The following SH3BP2 variants were observed in gnomAD, a reference collection of about 807,000 sequenced individuals.
The protein encoded by SH3BP2 is SH3 domain-binding protein 2.
A neutral mutation model predicts 56.2 loss-of-function variants in SH3BP2; 38 were observed. The ratio of observed to expected loss-of-function variants is 0.68; its 90% CI spans 0.52 to 0.89. The LOEUF is 0.89. Among genes scored for constraint, SH3BP2 ranks in the 40% least tolerant of loss-of-function variants. The pLI, the probability that SH3BP2 is intolerant of heterozygous loss-of-function variation, is 0.00. For synonymous variants in SH3BP2, 346 were observed against 316.7 expected, an observed-to-expected ratio of 1.09 and a Z score of -0.98; for missense variants, 748 against 762.6, an observed-to-expected ratio of 0.98 and a Z score of 0.23.
intron 1 of SH3BP2, among the ~76,000 whole-genome samples, chr4:2,814,558 G>A (rs1723909791): frequency 6.6e-6 from 1 of 152,164 alleles, no homozygotes; most frequent in Non-Finnish European, 1.5e-5. Flanking sequence ...AAATCTCCAC[G>A]TGTGCACACA....
chr4:2,802,404 A>ATGTGTGTG (rs1175501543), intron 1 of SH3BP2, among the ~76,000 whole-genome samples: 13,841 of 135,736 alleles, frequency 0.1, 790 homozygotes, highest in East Asian at 0.16. Context: ...AAAAAAATAT[A>ATGTGTGTG]TGTGTGTGTG....
intron 1 of SH3BP2, chr4:2,809,682 T>TGCA (rs2108710321): frequency 1.8e-6 from 1 of 554,488 alleles, no homozygotes; most frequent in South Asian, 7.8e-5. Context: ...CCGTGGTGGC[T>TGCA]GCAGACACCA....
chr4:2,838,445 A>G lies in SH3BP2; in HGVS notation c.*4611A>G, dbSNP rs1316506036. The G allele has an allele frequency of 3.3e-5, 5 of 152,306 alleles. No individual in the cohort carries two copies. The highest frequency in any genetic ancestry group is 1.2e-4 in the African/African-American group (5 of 41,546). 9.4% of individuals were successfully genotyped at this position (152,306 alleles called of 1,614,324 possible). On this transcript the variant is annotated 3_prime_UTR_variant, in exon 13 of 13. Transcript: ENST00000503393. Reference sequence around the variant, plus strand: ...GCTCGTTATTATGTCTGTGAGATTTATTCATGTTGCTGTGCGTAGTATAGT... The same window carrying G: ...GCTCGTTATTATGTCTGTGAGATTTGTTCATGTTGCTGTGCGTAGTATAGT...
chr4:2,821,169 C>T (rs369604436), intron 2 of SH3BP2, among the ~76,000 whole-genome samples: 6 of 152,320 alleles, frequency 3.9e-5, no homozygotes, highest in African/African-American at 1.4e-4. Flanking sequence ...AGGCTCTGGC[C>T]CCCAGGACAG....
At chr4:2,812,855 C>CAT (rs34304762) in intron 1 of SH3BP2, among the ~76,000 whole-genome samples, 121,385 of 151,908 alleles carry the variant, frequency 0.8, 49,388 homozygotes, top group African/African-American at 0.95. Flanking sequence ...TAAGTACACA[C>CAT]GTTGTGTATG....
chr4:2,819,695 T>G (rs1039894850), intron 1 of SH3BP2, among the ~76,000 whole-genome samples: 8 of 150,206 alleles, frequency 5.3e-5, no homozygotes, highest in Non-Finnish European at 1.0e-4. Flanking sequence ...ATGCTGGATT[T>G]AAGTGGGCAA....
At chr4:2,797,979 G>A (rs1266097645) in intron 1 of SH3BP2, among the ~76,000 whole-genome samples, 1 of 152,232 alleles carries the variant, frequency 6.6e-6, no homozygotes, top group East Asian at 1.9e-4. Context: ...CCAGTTGGTG[G>A]AGTTTCCAAT....
intron 1 of SH3BP2, among the ~76,000 whole-genome samples, chr4:2,819,861 G>T (rs975522011): frequency 6.6e-6 from 1 of 151,938 alleles, no homozygotes; most frequent in Non-Finnish European, 1.5e-5. Flanking sequence ...CATGAGTAAG[G>T]GGGGCTGGAG....
At chr4:2,795,676 C>G (rs1240163708) in intron 1 of SH3BP2, among the ~76,000 whole-genome samples, 2 of 152,182 alleles carry the variant, frequency 1.3e-5, no homozygotes, top group South Asian at 2.1e-4. Context: ...GAGGAGGGAT[C>G]TGAGCCGGGC....
Position 2,825,220 on chromosome 4 carries a change from C to T in SH3BP2, c.428+24C>T, listed in dbSNP as rs369642567. ...AGGTGAGCCCGGGCCCAGGGCATAC[C>T]GGGCAGTGAGGGTCCCTGGGGCGCC... On this transcript the variant is annotated intron_variant, in intron 5 of 12. Transcript: ENST00000503393. 1,130 of 1,558,684 alleles carry T rather than the reference C, an allele frequency of 7.2e-4. 3 individuals carry two copies. The African/African-American group carries it at 0.012, about 17-fold the overall frequency.
At chr4:2,827,576 G>A (rs1256109827) in intron 6 of SH3BP2, 30 bp from the exon 7 acceptor site, 2 of 1,570,558 alleles carry the variant, frequency 1.3e-6, no homozygotes, top group Non-Finnish European at 1.7e-6. Flanking sequence ...GGGCCGGTTT[G>A]GCTCTCACCA....
Position 2,831,665 on chromosome 4 carries a change from G to A in SH3BP2, c.1336G>A (p.Glu446Lys), listed in dbSNP as rs1177351370. 11 of 1,588,662 alleles carry A rather than the reference G, an allele frequency of 6.9e-6. No individual in the cohort carries two copies. Among genetic ancestry groups the A allele is most frequent in the African/African-American group, 4.0e-5 (3 of 74,206 alleles). Residue 446 changes from glutamate to lysine, a missense_variant, in exon 9 of 13, where the codon GAG (glutamate) becomes AAG (lysine). Glu to Lys is a moderately conservative substitution (Grantham distance 56). Transcript: ENST00000503393. The surrounding 1 kb of genome is among the most constrained non-coding windows in gnomAD (Gnocchi z 4.1). ...TGACACTGGCGGGGACGACTCGGACGAGGACTATGAGAAGGCAAGGCTGAG... is the reference window on the plus strand; with the variant it reads ...TGACACTGGCGGGGACGACTCGGACAAGGACTATGAGAAGGCAAGGCTGAG... ...QADTGGDDSD[E>K]DYEKVPLPNS...
At chr4:2,812,143 A>G in intron 1 of SH3BP2, 2 of 1,404,098 alleles carry the variant, frequency 1.4e-6, no homozygotes, top group Non-Finnish European at 1.9e-6. Flanking sequence ...TAAAACCCGG[A>G]TGGTGGATGA....
In SH3BP2 at chr4:2,834,708, T is replaced by A. The variant is rs1331662471; in HGVS notation, c.*874T>A. 1.3e-5 allele frequency: 2 copies of A among 152,358 alleles called. No homozygotes were observed. The highest frequency in any genetic ancestry group is 2.9e-5 in the Non-Finnish European group (2 of 68,112). 9.4% of individuals were successfully genotyped at this position (152,358 alleles called of 1,614,324 possible). The stretch of plus-strand genomic sequence containing the variant: ...CTGCAGCTACAGCTGCTTCATTCCC[T>A]GCATTAGCGAGCAGTTATTGGGTAC... On this transcript the variant is annotated 3_prime_UTR_variant, in exon 13 of 13. Transcript: ENST00000503393.
rs1041277582 is a variant in SH3BP2, at chr4:2,826,784, G to A, written c.429-446G>A. On this transcript the variant is annotated intron_variant, in intron 5 of 12. Transcript: ENST00000503393. ...GTGTGTGCGTGTCCGTGTGTCGCTC[G>A]TCTGTGTGTGAACATGTGTGCTTGT... 32 of 384,770 alleles carry A rather than the reference G, an allele frequency of 8.3e-5. No homozygotes were observed. In the East Asian group the frequency reaches 9.3e-4, roughly 11 times the overall value. The allele number at this position is 384,770 out of a possible 1,614,324, so 23.8% of individuals were successfully genotyped here.
At chr4:2,832,433 C>A in intron 11 of SH3BP2, 21 bp downstream of exon 11, 1 of 1,592,940 alleles carries the variant, frequency 6.3e-7, no homozygotes, top group South Asian at 1.1e-5. Context: ...GGGGAAGATG[C>A]CCCAGGGCCC....
chr4:2,800,984 CT>C (rs1486932073), intron 1 of SH3BP2, among the ~76,000 whole-genome samples: 43 of 123,644 alleles, frequency 3.5e-4, no homozygotes, highest in African/African-American at 9.9e-4. Context: ...CTGTGACAGG[CT>C]GGCTCCGAGG....
intron 1 of SH3BP2, chr4:2,818,155 C>T (rs1430640471): frequency 1.8e-5 from 17 of 945,698 alleles, no homozygotes; most frequent in Non-Finnish European, 2.1e-5. Context: ...CGCCGGGATC[C>T]TCACCTGCCC....
chr4:2,799,806 GC>G (rs1309206207), intron 1 of SH3BP2, among the ~76,000 whole-genome samples: 1 of 152,208 alleles, frequency 6.6e-6, no homozygotes, highest in African/African-American at 2.4e-5. Flanking sequence ...CCCCGGGGGG[GC>G]CTCCTTGAGG....
Sources: gnomAD v4.1 joint callset for allele counts (sites outside exome capture counted in the v4.1 genomes callset) on GRCh38, gnomAD v4.1.1 for gene constraint, Gnocchi (gnomAD v3.1) non-coding constraint, MANE v1.5 for transcripts, NCBI Gene and HGNC (gene_info 2026-07-23, HGNC 2026-07-21) for gene names.